VPS13D: variants seen among roughly 807,000 people sequenced by gnomAD.
VPS13D encodes vacuolar protein sorting 13 homolog D.
In VPS13D, 187 loss-of-function variants were observed where a neutral mutation model predicts 461.9. The observed-to-expected ratio is 0.40, with a 90% confidence interval of 0.36 to 0.46. VPS13D has a LOEUF of 0.46. Ranked by LOEUF, VPS13D falls within the 20% of genes least tolerant of loss-of-function variation. The pLI is 0.60. For missense variants in VPS13D, 4,711 were observed against 5,364.9 expected (o/e 0.88, Z 3.81); for synonymous variants, 1,951 against 1,986.3 (o/e 0.98, Z 0.47).
chr1:12,497,169 C>T (rs753598020), intron 67 of VPS13D: 9 of 163,622 alleles, frequency 5.5e-5, no homozygotes, highest in Non-Finnish European at 9.3e-5. Context: ...GCAGGCTTGG[C>T]GGGCACTGTT....
chr1:12,328,240 G>T (rs902394444), intron 36 of VPS13D, among the ~76,000 whole-genome samples: 1 of 151,984 alleles, frequency 6.6e-6, no homozygotes, highest in African/African-American at 2.4e-5. Flanking sequence ...TCAAAAACAA[G>T]AATCTTACTA....
intron 67 of VPS13D, among the ~76,000 whole-genome samples, chr1:12,479,769 G>A (rs1243891329): frequency 6.6e-6 from 1 of 152,264 alleles, no homozygotes; most frequent in East Asian, 1.9e-4. Flanking sequence ...ACTTCCTTTC[G>A]ATTCTTGGAT....
In VPS13D at chr1:12,235,660, C is replaced by T. The variant is rs185023918; in HGVS notation, c.97+1297C>T. On this transcript the variant is annotated intron_variant, in intron 2 of 69. Coordinates refer to ENST00000620676, the MANE Select transcript of VPS13D (RefSeq NM_015378.4). ...GGCAGCGCTAGGCCATGGGCAGAGC[C>T]GTCATGGTCACGCCTCCCCACTCTC... 2.9e-4 allele frequency among the ~76,000 whole-genome samples: 44 copies of T among 152,316 alleles called. No homozygotes were observed. In the East Asian group the frequency reaches 4.4e-3, roughly 15 times the overall value.
In VPS13D at chr1:12,472,449, G is replaced by A. The variant is rs546931236; in HGVS notation, c.12662+12053G>A. ...CCAGGCCTATCTGTTTCTCCTTTAT[G>A]CTCCAGGCCTTCAGAGCTACTTGCT... is the stretch of plus-strand genomic sequence containing the variant. On this transcript the variant is annotated intron_variant, in intron 67 of 69. Coordinates refer to ENST00000620676, the MANE Select transcript of VPS13D (RefSeq NM_015378.4). Among the ~76,000 whole-genome samples the A allele has an allele frequency of 5.3e-5, 8 of 152,302 alleles. No individual in the cohort carries two copies. The East Asian group carries it at 1.5e-3, about 29-fold the overall frequency.
At position 12,433,099 on chromosome 1, in the gene VPS13D, G is replaced by C. The variant is rs75760543; in HGVS notation, c.12333+16272G>C. On this transcript the variant is annotated intron_variant, in intron 65 of 69. Coordinates refer to ENST00000620676, the MANE Select transcript of VPS13D (RefSeq NM_015378.4). Reference sequence around the variant, plus strand: ...TGCGAGGGTGCACAGGCATGTGGCAGAATGAGCCAGGGGCCACCCTCTTGT... The same window carrying C: ...TGCGAGGGTGCACAGGCATGTGGCACAATGAGCCAGGGGCCACCCTCTTGT... Among the ~76,000 whole-genome samples, 881 of 152,326 alleles carry C rather than the reference G, an allele frequency of 5.8e-3. 5 individuals are homozygous for C. The highest frequency in any genetic ancestry group is 0.017 in the Middle Eastern group (5 of 294).
At chr1:12,349,514 T>C in intron 46 of VPS13D, 140 bp downstream of exon 46, 1 of 930,866 alleles carries the variant, frequency 1.1e-6, no homozygotes, top group South Asian at 1.8e-5. Flanking sequence ...CCTTGAGTTT[T>C]AGTTAGAGTT....
At chr1:12,378,399 T>G in intron 55 of VPS13D, 29 bp from the exon 56 acceptor site, 7 of 1,551,962 alleles carry the variant, frequency 4.5e-6, no homozygotes, top group Non-Finnish European at 6.1e-6. Context: ...TAATGGCTCT[T>G]TCTCTTTTTG....
chr1:12,242,044 A>G (rs1181619099), intron 2 of VPS13D, among the ~76,000 whole-genome samples: 2 of 152,052 alleles, frequency 1.3e-5, no homozygotes, highest in East Asian at 3.9e-4. Flanking sequence ...GCAGACTAAG[A>G]ATGGTTTTTG....
rs760046498 is a variant in VPS13D at position 12,282,795 on chromosome 1, G to A, written c.4693G>A (p.Ala1565Thr). The A allele has an allele frequency of 6.2e-7, 1 of 1,614,090 alleles. No homozygotes were observed. Among genetic ancestry groups the A allele is most frequent in the East Asian group, 2.2e-5 (1 of 44,888 alleles). ...AGATCTGAATAAGTATCCAGCCAGTGCTACCTCCTCCCCTTGCCCTGATTC... is the reference window on the plus strand; with the variant it reads ...AGATCTGAATAAGTATCCAGCCAGTACTACCTCCTCCCCTTGCCCTGATTC... Reference protein sequence around the residue: ...SEDLNKYPASATSSPCPDSPL... With the variant: ...SEDLNKYPASTTSSPCPDSPL... The change falls in exon 21 of 70, where the codon GCT (alanine) becomes ACT (threonine). Residue 1565 changes from alanine to threonine, a missense_variant. Coordinates refer to ENST00000620676, the MANE Select transcript of VPS13D (RefSeq NM_015378.4).
At chr1:12,342,756 G>C in intron 41 of VPS13D, 143 bp from the exon 42 acceptor site, 1 of 922,776 alleles carries the variant, frequency 1.1e-6, no homozygotes, top group Non-Finnish European at 1.5e-6. Flanking sequence ...CGACCCTCAA[G>C]GTCATTCTTT....
intron 50 of VPS13D, among the ~76,000 whole-genome samples, chr1:12,359,206 C>T (rs1010412404): frequency 1.5e-4 from 23 of 152,168 alleles, no homozygotes; most frequent in African/African-American, 4.8e-5. Context: ...CACTTGAGAA[C>T]GCTCAAAAGA....
intron 15 of VPS13D, 112 bp from the exon 16 acceptor site, chr1:12,268,594 A>T: frequency 8.2e-7 from 1 of 1,221,260 alleles, no homozygotes; most frequent in Non-Finnish European, 1.1e-6. Flanking sequence ...AATGTGAACT[A>T]ATTGAAAAAT....
chr1:12,376,479 G>T (rs998514799), intron 55 of VPS13D, among the ~76,000 whole-genome samples: 2 of 152,172 alleles, frequency 1.3e-5, no homozygotes, highest in African/African-American at 4.8e-5. Flanking sequence ...CCCTGTGCCA[G>T]GCATGTACTA....
At chr1:12,396,651 CTG>C (rs1373194730) in intron 60 of VPS13D, among the ~76,000 whole-genome samples, 2 of 152,182 alleles carry the variant, frequency 1.3e-5, no homozygotes, top group Non-Finnish European at 2.9e-5. Context: ...TCTCCCATGA[CTG>C]GGGCTCCTTC....
At chr1:12,438,240 T>C (rs968008106) in intron 65 of VPS13D, among the ~76,000 whole-genome samples, 4 of 152,146 alleles carry the variant, frequency 2.6e-5, no homozygotes, top group African/African-American at 9.7e-5. Context: ...AAGAGGTCAT[T>C]GGGGGTGATT....
intron 3 of VPS13D, among the ~76,000 whole-genome samples, 154 bp downstream of exon 3, chr1:12,242,744 G>A (rs1315703790): frequency 1.3e-5 from 2 of 152,140 alleles, no homozygotes; most frequent in Non-Finnish European, 2.9e-5. Context: ...TGGTCTTTGG[G>A]CCACTCGTAT....
intron 21 of VPS13D, among the ~76,000 whole-genome samples, chr1:12,284,626 G>A (rs1040632459): frequency 5.9e-5 from 9 of 152,236 alleles, no homozygotes; most frequent in African/African-American, 9.6e-5. Context: ...AACCCCGGCC[G>A]TGGCTGGTAA....
Position 12,276,404 on chromosome 1 carries a change from T to C in VPS13D, c.2816T>C (p.Val939Ala). Residue 939 changes from valine to alanine, a missense_variant, in exon 19 of 70, where the codon GTG becomes GCG. Transcript: ENST00000620676. The surrounding 1 kb of genome is among the most constrained non-coding windows in gnomAD (Gnocchi z 4.5). ...GTAATGAATTTAACCCAGAGCATTG[T>C]GTTGTTGGAGCAGCATACCCGCGAG... ...DSVMNLTQSI[V>A]LLEQHTREVL... 1 of 1,614,092 alleles carries C rather than the reference T, an allele frequency of 6.2e-7. No homozygotes were observed. Among genetic ancestry groups the C allele is most frequent in the Non-Finnish European group, 8.5e-7 (1 of 1,180,006 alleles).
At position 12,385,385 on chromosome 1, in the gene VPS13D, A is replaced by T. The variant is rs998208170; in HGVS notation, c.11484+12A>T. On this transcript the variant is annotated intron_variant, in intron 59 of 69. Coordinates refer to ENST00000620676, the MANE Select transcript of VPS13D (RefSeq NM_015378.4). ...AGCAGGAATTGGAAGTAAGGTCTAA[A>T]TATTGTGAATTTATTTATTTGATCA... The T allele has an allele frequency of 4.0e-5, 64 of 1,585,348 alleles. No individual in the cohort carries two copies. Among genetic ancestry groups the T allele is most frequent in the Non-Finnish European group, 5.4e-5 (63 of 1,166,248 alleles).
Sources: allele counts gnomAD v4.1 joint callset (sites outside exome capture counted in the v4.1 genomes callset), GRCh38; gene constraint gnomAD v4.1.1; non-coding constraint Gnocchi (gnomAD v3.1); transcripts MANE v1.5; gene names NCBI Gene and HGNC (gene_info 2026-07-23, HGNC 2026-07-21).